The following ERBB4 variants were observed in gnomAD, a reference collection of about 807,000 sequenced individuals.
ERBB4 encodes the protein erb-b2 receptor tyrosine kinase 4.
Under a neutral mutation model 158.0 loss-of-function variants are expected in ERBB4, and 42 were observed. That is an observed-to-expected ratio of 0.27 (90% confidence interval 0.21 to 0.34). The LOEUF is 0.34. Among genes scored for constraint, ERBB4 ranks in the 10% least tolerant of loss-of-function variants. The pLI is 1.00. For missense variants in ERBB4, 1,333 were observed against 1,624.1 expected (o/e 0.82, Z 3.08); for synonymous variants, 583 against 558.7 (o/e 1.04, Z -0.61).
intron 20 of ERBB4, among the ~76,000 whole-genome samples, chr2:211,508,713 A>C (rs980958100): frequency 1.3e-5 from 2 of 152,130 alleles, no homozygotes; most frequent in African/African-American, 2.4e-5. Context: ...ATGCATACAT[A>C]TGTGTATTAC....
chr2:212,067,518 C>A (rs544098744), intron 2 of ERBB4, among the ~76,000 whole-genome samples: 1 of 152,080 alleles, frequency 6.6e-6, no homozygotes, highest in African/African-American at 2.4e-5. Flanking sequence ...ACAAAAATTA[C>A]TGTTCCTGAA....
At chr2:212,112,859 A>T (rs1182753859) in intron 2 of ERBB4, among the ~76,000 whole-genome samples, 1 of 152,200 alleles carries the variant, frequency 6.6e-6, no homozygotes, top group African/African-American at 2.4e-5. Flanking sequence ...CAAAGATTAT[A>T]ATTCCAGTAT....
chr2:211,920,027 T>C (rs2079815263), intron 3 of ERBB4, among the ~76,000 whole-genome samples: 4 of 151,976 alleles, frequency 2.6e-5, no homozygotes. Flanking sequence ...TGCAACAAAT[T>C]ACAACTTTGT....
At chr2:211,796,981 C>T (rs1014468885) in intron 3 of ERBB4, among the ~76,000 whole-genome samples, 17 of 151,700 alleles carry the variant, frequency 1.1e-4, no homozygotes, top group African/African-American at 2.7e-4. Context: ...GAGTAAAATA[C>T]GATTTCTGGA....
intron 1 of ERBB4, among the ~76,000 whole-genome samples, chr2:212,258,191 A>G (rs1416693441): frequency 1.3e-5 from 2 of 152,024 alleles, no homozygotes; most frequent in Non-Finnish European, 2.9e-5. Flanking sequence ...GGTTCTGAAT[A>G]CCCTAAAAGT....
Position 211,824,145 on chromosome 2 carries a change from C to T in ERBB4, c.422-35986G>A, listed in dbSNP as rs545306510. ...AGTAACTCTCCACTGAAGCATTTTA[C>T]GAGTACTGCTTAAAAATATTTCCTA... On this transcript the variant is annotated intron_variant, in intron 3 of 27. Coordinates refer to ENST00000342788, the MANE Select transcript of ERBB4 (RefSeq NM_005235.3). Among the ~76,000 whole-genome samples, 10 of 152,046 alleles carry T rather than the reference C, an allele frequency of 6.6e-5. No homozygotes were observed. In the South Asian group the frequency reaches 1.5e-3, roughly 22 times the overall value.
intron 25 of ERBB4, among the ~76,000 whole-genome samples, chr2:211,419,537 A>G (rs2063470038): frequency 1.3e-5 from 2 of 152,088 alleles, no homozygotes; most frequent in South Asian, 4.1e-4. Context: ...TCATGTTTAT[A>G]TCTTATCAAT....
chr2:212,347,253 G>A (rs1269283355), intron 1 of ERBB4, among the ~76,000 whole-genome samples: 3 of 152,182 alleles, frequency 2.0e-5, no homozygotes, highest in East Asian at 1.9e-4. Flanking sequence ...AATCTTCAAC[G>A]TATAAATTAT....
chr2:211,900,297 A>G (rs964542466), intron 3 of ERBB4, among the ~76,000 whole-genome samples: 2 of 152,060 alleles, frequency 1.3e-5, no homozygotes, highest in Non-Finnish European at 2.9e-5. Flanking sequence ...AGTTGTTCCC[A>G]TGTCTTAAAA....
intron 1 of ERBB4, among the ~76,000 whole-genome samples, chr2:212,308,202 T>C (rs942477320): frequency 6.6e-6 from 1 of 151,196 alleles, no homozygotes; most frequent in African/African-American, 2.4e-5. Flanking sequence ...TAATAGGTAT[T>C]AAATATTAAC....
chr2:212,423,717 G>A (rs967522229), intron 1 of ERBB4, among the ~76,000 whole-genome samples: 10 of 152,136 alleles, frequency 6.6e-5, no homozygotes, highest in African/African-American at 2.4e-4. Context: ...TGAAGTCTGT[G>A]CATTTGATGC....
rs371425567 is a variant in ERBB4, at chr2:211,727,186, C to A, written c.623-1992G>T. 1.5e-4 allele frequency among the ~76,000 whole-genome samples: 23 copies of A among 152,248 alleles called. 2 individuals are homozygous for A. Among genetic ancestry groups the A allele is most frequent in the African/African-American group, 5.5e-4 (23 of 41,538 alleles). On this transcript the variant is annotated intron_variant, in intron 5 of 27. Transcript: ENST00000342788. ...CACGTTATATGGGCAAGTTATTTAACCATTCTGTATTTTACTTCACCATTT... is the reference window on the plus strand; with the variant it reads ...CACGTTATATGGGCAAGTTATTTAAACATTCTGTATTTTACTTCACCATTT...
intron 1 of ERBB4, among the ~76,000 whole-genome samples, chr2:212,262,301 G>A (rs1026703301): frequency 2.0e-5 from 3 of 152,014 alleles, no homozygotes; most frequent in African/African-American, 4.8e-5. Context: ...TATTCTATAT[G>A]AGCTGTATGA....
rs71057412 is a variant in ERBB4, at chr2:212,446,591, GTATATA to G, written c.82+91852_82+91857del. On this transcript the variant is annotated intron_variant, in intron 1 of 27. Coordinates refer to ENST00000342788, the MANE Select transcript of ERBB4 (RefSeq NM_005235.3). ...TTAATAAACTCCCATATATATATAT[GTATATA>G]TATATATATATATATATATATATAT... Among the ~76,000 whole-genome samples the G allele has an allele frequency of 6.3e-3, 173 of 27,446 alleles. 1 individual carries two copies. The highest frequency in any genetic ancestry group is 0.03 in the South Asian group (21 of 704). The allele number at this position is 27,446 out of a possible 152,430, so 18.0% of individuals were successfully genotyped here.
chr2:211,792,129 A>T (rs1388797566), intron 3 of ERBB4, among the ~76,000 whole-genome samples: 2 of 151,782 alleles, frequency 1.3e-5, no homozygotes. Flanking sequence ...ATCAATATTT[A>T]TAAGGTAACT....
chr2:211,894,711 A>G (rs913076709), intron 3 of ERBB4, among the ~76,000 whole-genome samples: 1 of 152,198 alleles, frequency 6.6e-6, no homozygotes, highest in Non-Finnish European at 1.5e-5. Flanking sequence ...ATGACACCAA[A>G]CTGTTGGTGA....
At chr2:212,291,892 T>C (rs1475449542) in intron 1 of ERBB4, among the ~76,000 whole-genome samples, 1 of 152,096 alleles carries the variant, frequency 6.6e-6, no homozygotes, top group South Asian at 2.1e-4. Flanking sequence ...AGAACAATTG[T>C]AGGGAAGAAA....
intron 16 of ERBB4, among the ~76,000 whole-genome samples, chr2:211,635,657 A>T (rs923965558): frequency 6.6e-6 from 1 of 152,122 alleles, no homozygotes; most frequent in African/African-American, 2.4e-5. Flanking sequence ...CAAATGTTTT[A>T]AAAAACTATT....
intron 12 of ERBB4, among the ~76,000 whole-genome samples, chr2:211,681,373 T>C (rs1015638890): frequency 2.0e-5 from 3 of 152,154 alleles, no homozygotes; most frequent in Admixed American, 1.3e-4. Context: ...TTTAGATAAA[T>C]ACCCAGGAGA....
Sources: gnomAD v4.1 joint callset for allele counts (sites outside exome capture counted in the v4.1 genomes callset) on GRCh38, gnomAD v4.1.1 for gene constraint, MANE v1.5 for transcripts, NCBI Gene and HGNC (gene_info 2026-07-23, HGNC 2026-07-21) for gene names.